Variants in VAMP8 observed in about 807,000 individuals in gnomAD.
VAMP8 encodes vesicle-associated membrane protein 8.
VAMP8 carries 9 observed loss-of-function variants against 11.4 expected under a neutral mutation model. The ratio of observed to expected loss-of-function variants is 0.79; its 90% CI spans 0.48 to 1.38. The LOEUF is 1.38. Among genes scored for constraint, VAMP8 ranks in the 40% most tolerant of loss-of-function variants. The pLI, the probability that VAMP8 is intolerant of heterozygous loss-of-function variation, is 0.00. For missense variants in VAMP8, 108 were observed against 127.8 expected (o/e 0.85, Z 0.75); for synonymous variants, 42 against 44.7 (o/e 0.94, Z 0.24).
rs376611516 is a variant in VAMP8, at chr2:85,581,593, G to A, written c.180G>A (p.Thr60=). 1.2e-5 allele frequency: 20 copies of A among 1,614,132 alleles called. No homozygotes were observed. The highest frequency in any genetic ancestry group is 6.7e-5 in the Admixed American group (4 of 60,008). Residue 60 remains threonine (T), a synonymous_variant, in exon 3 of 3, where the codon ACG becomes ACA. Coordinates refer to ENST00000263864, the MANE Select transcript of VAMP8 (RefSeq NM_003761.5). ...DLEATSEHFK[T]TSQKVARKFW... Reference sequence around the variant, plus strand: ...CCCAACAGTCTGAGCACTTCAAGACGACATCGCAGAAGGTGGCTCGAAAAT... The same window carrying A: ...CCCAACAGTCTGAGCACTTCAAGACAACATCGCAGAAGGTGGCTCGAAAAT...
Position 85,579,027 on chromosome 2 carries a change from G to A in VAMP8, c.22G>A (p.Gly8Arg). The A allele has an allele frequency of 1.2e-6, 2 of 1,606,100 alleles. No individual in the cohort carries two copies. Among genetic ancestry groups the A allele is most frequent in the African/African-American group, 2.7e-5 (2 of 74,800 alleles). The change falls in exon 2 of 3, where the codon GGA becomes AGA. Residue 8 changes from glycine to arginine, a missense_variant. Gly to Arg is a moderately radical substitution (Grantham distance 125). Coordinates refer to ENST00000263864, the MANE Select transcript of VAMP8 (RefSeq NM_003761.5). ...CGCACAGGAGGAAGCCAGTGAAGGT[G>A]GAGGAAATGATCGTGTGCGGAACCT... MEEASEG[G>R]GNDRVRNLQS... is the part of the protein sequence containing the mutation.
intron 2 of VAMP8, among the ~76,000 whole-genome samples, chr2:85,581,367 C>T (rs1672375913): frequency 6.6e-6 from 1 of 151,976 alleles, no homozygotes; most frequent in South Asian, 2.1e-4. Context: ...GTAATCCCAG[C>T]TACTCAGTAG....
chr2:85,578,688 T>TGTA (rs1313701320), intron 1 of VAMP8, among the ~76,000 whole-genome samples: 4 of 152,292 alleles, frequency 2.6e-5, no homozygotes, highest in Admixed American at 6.5e-5. Flanking sequence ...CTGGCCCTGC[T>TGTA]GTATTCTACG....
chr2:85,580,608 G>A (rs1000489462), intron 2 of VAMP8, among the ~76,000 whole-genome samples: 1 of 151,796 alleles, frequency 6.6e-6, no homozygotes, highest in Non-Finnish European at 1.5e-5. Context: ...ATTTCAACCC[G>A]GCCTTCCAGA....
chr2:85,581,148 T>C (rs1041840315), intron 2 of VAMP8, among the ~76,000 whole-genome samples: 2 of 151,698 alleles, frequency 1.3e-5, no homozygotes, highest in African/African-American at 4.8e-5. Flanking sequence ...GCCACTGCAC[T>C]CCAGCCTGGG....
intron 1 of VAMP8, 136 bp downstream of exon 1, chr2:85,577,785 CTTCTT>C: frequency 1.6e-6 from 2 of 1,262,408 alleles, no homozygotes; most frequent in Non-Finnish European, 1.1e-6. Context: ...TATGGCCTCT[CTTCTT>C]TGACAACTTG....
In VAMP8 at chr2:85,581,653, C is replaced by T; in HGVS notation, c.240C>T (p.Ile80=). Residue 80 remains isoleucine (I), a synonymous_variant, in exon 3 of 3, where the codon ATC becomes ATT. Coordinates refer to ENST00000263864, the MANE Select transcript of VAMP8 (RefSeq NM_003761.5). ...WWKNVKMIVL[I]CVIVFIIILF... ...AGAACGTGAAGATGATTGTCCTTAT[C>T]TGCGTGATTGTTTTTATCATCATCC... is the stretch of plus-strand genomic sequence containing the variant. 2 of 1,614,166 alleles carry T rather than the reference C, an allele frequency of 1.2e-6. No individual in the cohort carries two copies. The highest frequency in any genetic ancestry group is 1.7e-6 in the Non-Finnish European group (2 of 1,180,032).
At position 85,581,627 on chromosome 2, in the gene VAMP8, A is replaced by T; in HGVS notation, c.214A>T (p.Lys72Ter). ...SQKVARKFWWKNVKMIVLICV... is the reference protein window; with the variant it reads ...SQKVARKFWW The stretch of plus-strand genomic sequence containing the variant: ...GAAGGTGGCTCGAAAATTCTGGTGG[A>T]AGAACGTGAAGATGATTGTCCTTAT... Residue 72 changes from lysine to a stop codon, truncating the protein, a stop_gained, in exon 3 of 3, where the codon AAG (lysine) becomes TAG (stop). Transcript: ENST00000263864. LOFTEE classifies it high-confidence loss of function. The T allele has an allele frequency of 6.2e-7, 1 of 1,614,174 alleles. No individual in the cohort carries two copies. Among genetic ancestry groups the T allele is most frequent in the Non-Finnish European group, 8.5e-7 (1 of 1,180,030 alleles).
intron 2 of VAMP8, 83 bp from the exon 3 acceptor site, chr2:85,581,493 C>T (rs891089635): frequency 1.3e-6 from 2 of 1,532,666 alleles, no homozygotes; most frequent in African/African-American, 1.4e-5. Flanking sequence ...AAAAGTATGG[C>T]CTGTGGGCTG....
At chr2:85,581,043 G>C (rs763636654) in intron 2 of VAMP8, among the ~76,000 whole-genome samples, 1 of 152,162 alleles carries the variant, frequency 6.6e-6, no homozygotes, top group African/African-American at 2.4e-5. Flanking sequence ...TGAGCTGAAC[G>C]TGGTGGCATG....
intron 2 of VAMP8, chr2:85,579,720 C>T (rs997744169): frequency 3.2e-6 from 5 of 1,550,366 alleles, no homozygotes; most frequent in South Asian, 2.4e-5. Flanking sequence ...TCTTGCTAGA[C>T]CTCATTCTTC....
chr2:85,578,508 C>T (rs575650320), intron 1 of VAMP8, among the ~76,000 whole-genome samples: 84 of 152,290 alleles, frequency 5.5e-4, no homozygotes, highest in Non-Finnish European at 1.0e-3. Context: ...CGGCCAGGGC[C>T]GTGCTCCGGC....
chr2:85,578,789 T>G (rs916531151), intron 1 of VAMP8, among the ~76,000 whole-genome samples: 3 of 152,194 alleles, frequency 2.0e-5, no homozygotes, highest in African/African-American at 7.2e-5. Flanking sequence ...CAAAAGAAGT[T>G]TGATCTAGTC....
chr2:85,579,747 G>A (rs1289567207), intron 2 of VAMP8: 6 of 1,550,740 alleles, frequency 3.9e-6, no homozygotes, highest in Non-Finnish European at 5.2e-6. Context: ...TCCAGCCAGG[G>A]GCTGAGGCCA....
intron 2 of VAMP8, chr2:85,579,862 T>C: frequency 1.3e-6 from 2 of 1,550,584 alleles, no homozygotes; most frequent in Non-Finnish European, 1.7e-6. Context: ...CTGTGTGAAC[T>C]CTTGGCTCTT....
intron 2 of VAMP8, 101 bp downstream of exon 2, chr2:85,579,268 C>G: frequency 7.4e-7 from 1 of 1,344,358 alleles, no homozygotes; most frequent in Non-Finnish European, 1.0e-6. Context: ...TTTGACATTT[C>G]TGTTGCCTTT....
In VAMP8 at chr2:85,581,602, G is replaced by C. The variant is rs748736865; in HGVS notation, c.189G>C (p.Gln63His). The C allele has an allele frequency of 6.2e-7, 1 of 1,614,196 alleles. No individual in the cohort carries two copies. The change falls in exon 3 of 3, where the codon CAG becomes CAC. Residue 63 changes from glutamine to histidine, a missense_variant. Gln to His is a conservative substitution (Grantham distance 24, BLOSUM62 0). Transcript: ENST00000263864. ...CTGAGCACTTCAAGACGACATCGCA[G>C]AAGGTGGCTCGAAAATTCTGGTGGA... ...ATSEHFKTTS[Q>H]KVARKFWWKN...
At position 85,581,810 on chromosome 2, in the gene VAMP8, G is replaced by T; in HGVS notation, c.*94G>T. 1 of 1,539,198 alleles carries T rather than the reference G, an allele frequency of 6.5e-7. No individual in the cohort carries two copies. ...GTCTCCTTTCCTGTCTTCCTCTACA[G>T]AGAATGCTGCTCGGTCCTCCTACCC... is the stretch of plus-strand genomic sequence containing the variant. On this transcript the variant is annotated 3_prime_UTR_variant, in exon 3 of 3. Coordinates refer to ENST00000263864, the MANE Select transcript of VAMP8 (RefSeq NM_003761.5).
chr2:85,581,480 A>G (rs1672377657), intron 2 of VAMP8, 96 bp from the exon 3 acceptor site: 1 of 1,504,572 alleles, frequency 6.6e-7, no homozygotes. Flanking sequence ...TCAAAAAAAA[A>G]AAAAAAGTAT....
Sources: gnomAD v4.1 joint callset for allele counts (sites outside exome capture counted in the v4.1 genomes callset) on GRCh38, gnomAD v4.1.1 for gene constraint, MANE v1.5 for transcripts, NCBI Gene and HGNC (gene_info 2026-07-23, HGNC 2026-07-21) for gene names.